RGR: variants seen among roughly 807,000 people sequenced by gnomAD.
RGR encodes RPE-retinal G protein-coupled receptor.
RGR carries 30 observed loss-of-function variants against 28.6 expected under a neutral mutation model. The observed-to-expected ratio is 1.05, with a 90% CI of 0.78 to 1.42. The LOEUF is 1.42. Among genes scored for constraint, RGR ranks in the 40% most tolerant of loss-of-function variants. RGR has a pLI of 0.00. For missense variants in RGR, 404 were observed against 375.6 expected, an observed-to-expected ratio of 1.08 and a Z score of -0.62; for synonymous variants, 180 against 156.4, an observed-to-expected ratio of 1.15 and a Z score of -1.13.
intron 5 of RGR, among the ~76,000 whole-genome samples, chr10:84,257,163 C>A (rs1042423890): frequency 6.6e-6 from 1 of 152,194 alleles, no homozygotes; most frequent in Non-Finnish European, 1.5e-5. Flanking sequence ...ATTGCACGTC[C>A]GCGTGTTTGT....
At chr10:84,254,520 G>T in intron 5 of RGR, 77 bp downstream of exon 5, 1 of 1,186,472 alleles carries the variant, frequency 8.4e-7, no homozygotes, top group South Asian at 1.2e-5. Context: ...CAAAGAATTG[G>T]ATGTGACACA....
At position 84,247,673 on chromosome 10, in the gene RGR, G is replaced by A; in HGVS notation, c.162G>A (p.Leu54=). 1 of 1,614,138 alleles carries A rather than the reference G, an allele frequency of 6.2e-7. No individual in the cohort carries two copies. Among genetic ancestry groups the A allele is most frequent in the Non-Finnish European group, 8.5e-7 (1 of 1,180,036 alleles). ...AGCTGCGGACTCCCTGCCACCTACTGGTGCTGAGCTTGGCTCTTGCGGACA... is the reference window on the plus strand; with the variant it reads ...AGCTGCGGACTCCCTGCCACCTACTAGTGCTGAGCTTGGCTCTTGCGGACA... The part of the protein sequence containing the change: ...TPELRTPCHL[L]VLSLALADSG... Residue 54 remains leucine, a synonymous_variant, in exon 2 of 7, where the codon CTG becomes CTA. Transcript: ENST00000652092.
chr10:84,247,531 C>T, intron 1 of RGR, 60 bp from the exon 2 acceptor site: 1 of 1,601,798 alleles, frequency 6.2e-7, no homozygotes, highest in Non-Finnish European at 8.5e-7. Context: ...CCCACACACA[C>T]TGTTCTGACC....
intron 3 of RGR, 89 bp from the exon 4 acceptor site, chr10:84,252,768 C>A: frequency 6.6e-7 from 1 of 1,520,240 alleles, no homozygotes; most frequent in Non-Finnish European, 9.1e-7. Flanking sequence ...CTTGAAGGGA[C>A]ACTCTTCGAG....
At position 84,258,508 on chromosome 10, in the gene RGR, G is replaced by A. The variant is rs755518071; in HGVS notation, c.745G>A (p.Val249Met). The part of the protein sequence containing the change: ...VTSISPKLQM[V>M]PALIAKMVPT... Reference sequence around the variant, plus strand: ...TTTCTGGACTTTTCTGCCACAACAGGTGCCCGCCCTCATTGCCAAAATGGT... The same window carrying A: ...TTTCTGGACTTTTCTGCCACAACAGATGCCCGCCCTCATTGCCAAAATGGT... Residue 249 changes from valine to methionine, a missense_variant and splice_region_variant, in exon 7 of 7, where the codon GTG becomes ATG. Physicochemically the swap from Val to Met is conservative, Grantham distance 21 (BLOSUM62 1). Transcript: ENST00000652092. 3.7e-6 allele frequency: 6 copies of A among 1,614,066 alleles called. No homozygotes were observed. In the African/African-American group the frequency reaches 5.3e-5, roughly 14 times the overall value.
Position 84,248,076 on chromosome 10 carries a change from C to T in RGR, c.236+329C>T, listed in dbSNP as rs951995262. The T allele has an allele frequency of 7.3e-6, 4 of 545,448 alleles. No individual in the cohort carries two copies. The African/African-American group carries it at 7.7e-5, about 11-fold the overall frequency. 33.8% of individuals were successfully genotyped at this position (545,448 alleles called of 1,614,324 possible). A position where few individuals can be genotyped will look rare whatever the true frequency, so the allele number is the denominator to read the frequency against. ...TCTTCCATAAATCGGATATTATTTC[C>T]TAACTCATATAGGTGGTTGGAAGTA... On this transcript the variant is annotated intron_variant, in intron 2 of 6. Coordinates refer to ENST00000652092, the MANE Select transcript of RGR (RefSeq NM_001012720.2).
intron 6 of RGR, 134 bp downstream of exon 6, chr10:84,258,140 A>C: frequency 1.1e-6 from 1 of 874,778 alleles, no homozygotes; most frequent in Non-Finnish European, 1.8e-6. Context: ...GGATACTCAC[A>C]AGGCATAGAG....
In RGR at chr10:84,248,916, C is replaced by G. The variant is rs1444599890; in HGVS notation, c.237-6C>G. On this transcript the variant is annotated splice_region_variant and splice_polypyrimidine_tract_variant and intron_variant, in intron 2 of 6. Transcript: ENST00000652092. ...AGAGGTCACTGGTGCCCAGTGTCTC[C>G]CACAGGCGCTGGCCCTACGGCTCGG... 1 of 1,614,090 alleles carries G rather than the reference C, an allele frequency of 6.2e-7. No individual in the cohort carries two copies. Among genetic ancestry groups the G allele is most frequent in the African/African-American group, 1.3e-5 (1 of 74,942 alleles).
chr10:84,249,915 T>C (rs1469095002), intron 3 of RGR, among the ~76,000 whole-genome samples: 1 of 152,234 alleles, frequency 6.6e-6, no homozygotes, highest in Non-Finnish European at 1.5e-5. Context: ...TTTTTTAAAA[T>C]GTAAACACCT....
chr10:84,256,566 CTG>C (rs1338025418), intron 5 of RGR, among the ~76,000 whole-genome samples: 1 of 152,158 alleles, frequency 6.6e-6, no homozygotes, highest in Admixed American at 6.5e-5. Context: ...TGGAAAAGGA[CTG>C]TGCAAATCTA....
At chr10:84,258,470 C>A (rs201060787) in intron 6 of RGR, 38 bp from the exon 7 acceptor site, 1 of 1,614,036 alleles carries the variant, frequency 6.2e-7, no homozygotes, top group East Asian at 2.2e-5. Context: ...GGATCAGTGG[C>A]TTTGAAGCTT....
chr10:84,248,485 C>T (rs1406916605), intron 2 of RGR: 20 of 294,796 alleles, frequency 6.8e-5, no homozygotes, highest in Non-Finnish European at 1.3e-4. Flanking sequence ...GAGAACTCTT[C>T]CTCCCACAGA....
chr10:84,246,501 G>A (rs1842748387), intron 1 of RGR, among the ~76,000 whole-genome samples: 1 of 152,082 alleles, frequency 6.6e-6, no homozygotes, highest in South Asian at 2.1e-4. Flanking sequence ...CCATTCCTGA[G>A]TTACTTCACT....
In RGR at chr10:84,258,968, A is replaced by G; in HGVS notation, c.*329A>G. Reference sequence around the variant, plus strand: ...TGGTGAAGTCTGGGCTTTTAGTGTAACCATCACCCTAATAATATACGTTGT... The same window carrying G: ...TGGTGAAGTCTGGGCTTTTAGTGTAGCCATCACCCTAATAATATACGTTGT... On this transcript the variant is annotated 3_prime_UTR_variant, in exon 7 of 7. Transcript: ENST00000652092. 2.7e-6 allele frequency: 1 copy of G among 374,762 alleles called. No homozygotes were observed. The highest frequency in any genetic ancestry group is 2.2e-5 in the South Asian group (1 of 45,480). The allele number at this position is 374,762 out of a possible 1,614,324, so 23.2% of individuals were successfully genotyped here.
rs201060787 is a variant in RGR at position 84,258,470 on chromosome 10, C to T, written c.745-38C>T. ...GTGAGACCAGAGAGAGGATCAGTGG[C>T]TTTGAAGCTTCTTTTCTGGACTTTT... On this transcript the variant is annotated intron_variant, in intron 6 of 6. Coordinates refer to ENST00000652092, the MANE Select transcript of RGR (RefSeq NM_001012720.2). 1.5e-3 allele frequency: 2,358 copies of T among 1,614,036 alleles called. 24 individuals are homozygous for T. Among genetic ancestry groups the T allele is most frequent in the Middle Eastern group, 0.01 (63 of 6,062 alleles).
In RGR at chr10:84,258,011, A is replaced by G. The variant is rs143720091; in HGVS notation, c.744+5A>G. On this transcript the variant is annotated splice_donor_5th_base_variant and intron_variant, in intron 6 of 6. Transcript: ENST00000652092. Reference sequence around the variant, plus strand: ...ATCTCCCCCAAACTGCAGATGGTACAGATACTTCTAGTACCTAAAACTAGA... The same window carrying G: ...ATCTCCCCCAAACTGCAGATGGTACGGATACTTCTAGTACCTAAAACTAGA... The G allele has an allele frequency of 3.7e-3, 5,996 of 1,604,914 alleles. 21 individuals carry two copies. Among genetic ancestry groups the G allele is most frequent in the Admixed American group, 5.1e-3 (305 of 60,024 alleles).
chr10:84,257,060 A>G (rs1842897481), intron 5 of RGR, among the ~76,000 whole-genome samples: 1 of 152,194 alleles, frequency 6.6e-6, no homozygotes, highest in African/African-American at 2.4e-5. Context: ...ATAATCCAAG[A>G]TGGAAGAAAA....
At chr10:84,248,668 T>C in intron 2 of RGR, 1 of 594,404 alleles carries the variant, frequency 1.7e-6, no homozygotes, top group Non-Finnish European at 3.0e-6. Flanking sequence ...CAGAGGGATC[T>C]GATCACGCAG....
chr10:84,249,454 A>G (rs1842788849), intron 3 of RGR, among the ~76,000 whole-genome samples: 1 of 152,216 alleles, frequency 6.6e-6, no homozygotes, highest in African/African-American at 2.4e-5. Context: ...CTGGGACTAC[A>G]GGCATGTGCC....
Sources: allele counts gnomAD v4.1 joint callset (sites outside exome capture counted in the v4.1 genomes callset), GRCh38; gene constraint gnomAD v4.1.1; transcripts MANE v1.5; gene names NCBI Gene and HGNC (gene_info 2026-07-23, HGNC 2026-07-21).